Variants in LRRFIP1 observed in about 807,000 individuals in gnomAD.
The protein encoded by LRRFIP1 is leucine-rich repeat flightless-interacting protein 1.
A neutral mutation model predicts 104.4 loss-of-function variants in LRRFIP1; 62 were observed. The observed-to-expected ratio is 0.59, with a 90% CI of 0.48 to 0.73. The LOEUF is 0.73. LRRFIP1 is among the 30% of genes least tolerant of loss of function. The pLI is 0.00. For missense variants in LRRFIP1, 796 were observed against 824.5 expected, an observed-to-expected ratio of 0.97 and a Z score of 0.42; for synonymous variants, 300 against 299.0, an observed-to-expected ratio of 1.00 and a Z score of -0.03.
At chr2:237,740,698 A>G (rs1028321932) in intron 11 of LRRFIP1, among the ~76,000 whole-genome samples, 1 of 152,166 alleles carries the variant, frequency 6.6e-6, no homozygotes, top group African/African-American at 2.4e-5. Context: ...TGATACCTGC[A>G]TTCAGGTATC....
chr2:237,628,987 G>A (rs2081973147), intron 1 of LRRFIP1, among the ~76,000 whole-genome samples: 1 of 152,216 alleles, frequency 6.6e-6, no homozygotes, highest in South Asian at 2.1e-4. Context: ...TCCAGACTCA[G>A]CCCTCTCACA....
intron 1 of LRRFIP1, among the ~76,000 whole-genome samples, chr2:237,664,811 A>G (rs1230319059): frequency 6.6e-6 from 1 of 152,238 alleles, no homozygotes; most frequent in Non-Finnish European, 1.5e-5. Flanking sequence ...GATTGTTGCT[A>G]GAAGGGAAAT....
Position 237,627,823 on chromosome 2 carries a change from T to A in LRRFIP1, c.96+83T>A. 4.5e-6 allele frequency: 4 copies of A among 896,664 alleles called. No individual in the cohort carries two copies. In the South Asian group the frequency reaches 1.9e-4, roughly 43 times the overall value. The allele number at this position is 896,664 out of a possible 1,614,324, so 55.5% of individuals were successfully genotyped here. ...TGTCAGGGTCTCTCCGGCGTCCGTC[T>A]GTCCCGCTGTGCGTCTGTGCCACTG... On this transcript the variant is annotated intron_variant, in intron 1 of 23. Coordinates refer to ENST00000308482, the MANE Select transcript of LRRFIP1 (RefSeq NM_001137550.2).
chr2:237,697,130 T>G lies in LRRFIP1; in HGVS notation c.97-11414T>G, dbSNP rs562203285. 3.9e-5 allele frequency among the ~76,000 whole-genome samples: 6 copies of G among 152,308 alleles called. No homozygotes were observed. The East Asian group carries it at 1.2e-3, about 29-fold the overall frequency. ...TCCGTTTCCCAGGTGCAACCGATTC[T>G]CCTGCCTCAGACCTCTGAAGCAGCT... is the stretch of plus-strand genomic sequence containing the variant. On this transcript the variant is annotated intron_variant, in intron 1 of 23. Coordinates refer to ENST00000308482, the MANE Select transcript of LRRFIP1 (RefSeq NM_001137550.2).
chr2:237,668,020 A>AGGGTC (rs2089737403), intron 1 of LRRFIP1, among the ~76,000 whole-genome samples: 1 of 150,638 alleles, frequency 6.6e-6, no homozygotes, highest in South Asian at 2.1e-4. Flanking sequence ...CTTCTTTTGA[A>AGGGTC]CTCCACCTGA....
At chr2:237,725,969 T>G (rs2094732041) in intron 7 of LRRFIP1, among the ~76,000 whole-genome samples, 2 of 152,246 alleles carry the variant, frequency 1.3e-5, no homozygotes, top group Non-Finnish European at 2.9e-5. Context: ...CATCTAAAAG[T>G]GATTAACATT....
At chr2:237,724,607 A>C (rs1195006873) in intron 7 of LRRFIP1, among the ~76,000 whole-genome samples, 1 of 152,198 alleles carries the variant, frequency 6.6e-6, no homozygotes, top group Non-Finnish European at 1.5e-5. Flanking sequence ...AGAGCACTGC[A>C]AGTCGCTCTG....
chr2:237,730,867 A>G (rs2094969153), intron 8 of LRRFIP1, among the ~76,000 whole-genome samples: 1 of 152,192 alleles, frequency 6.6e-6, no homozygotes, highest in African/African-American at 2.4e-5. Context: ...GCAGTGAGCC[A>G]AGATTGCACC....
At position 237,717,957 on chromosome 2, in the gene LRRFIP1, C is replaced by T; in HGVS notation, c.249+148C>T. Reference sequence around the variant, plus strand: ...CCATAATTTAATACTGAGAGATTTTCTTCCGGGGATTTCTGCATCTGGTCT... The same window carrying T: ...CCATAATTTAATACTGAGAGATTTTTTTCCGGGGATTTCTGCATCTGGTCT... On this transcript the variant is annotated intron_variant, in intron 4 of 23. Coordinates refer to ENST00000308482, the MANE Select transcript of LRRFIP1 (RefSeq NM_001137550.2). The surrounding 1 kb of genome is among the most constrained non-coding windows in gnomAD (Gnocchi z 4.2). 1 of 749,514 alleles carries T rather than the reference C, an allele frequency of 1.3e-6. No individual in the cohort carries two copies. The highest frequency in any genetic ancestry group is 2.4e-6 in the Non-Finnish European group (1 of 420,070). 46.4% of individuals were successfully genotyped at this position (749,514 alleles called of 1,614,324 possible).
At position 237,753,438 on chromosome 2, in the gene LRRFIP1, C is replaced by T; in HGVS notation, c.997C>T (p.Gln333Ter). The stretch of plus-strand genomic sequence containing the variant: ...AGATATGTTGCTGGAGCTTGAAGAA[C>T]AGCTGGCTGAATCTAGGCGGCAGTA... ...LKDMLLELEEQLAESRRQYEE... is the reference protein window; with the variant it reads ...LKDMLLELEE Residue 333 changes from glutamine to a stop codon, truncating the protein, a stop_gained, in exon 15 of 24, where the codon CAG (glutamine) becomes TAG (stop). Coordinates refer to ENST00000308482, the MANE Select transcript of LRRFIP1 (RefSeq NM_001137550.2). LOFTEE classifies it high-confidence loss of function. 6.3e-7 allele frequency: 1 copy of T among 1,597,972 alleles called. No individual in the cohort carries two copies. Among genetic ancestry groups the T allele is most frequent in the Non-Finnish European group, 8.5e-7 (1 of 1,176,368 alleles).
chr2:237,769,708 G>A, intron 19 of LRRFIP1: 2 of 504,154 alleles, frequency 4.0e-6, no homozygotes, highest in Non-Finnish European at 7.2e-6. Flanking sequence ...CAGCCTGTTT[G>A]CATGCAGCCG....
Position 237,650,000 on chromosome 2 carries a change from G to T in LRRFIP1, c.96+22260G>T, listed in dbSNP as rs554311982. Among the ~76,000 whole-genome samples the T allele has an allele frequency of 6.6e-6, 1 of 152,136 alleles. No individual in the cohort carries two copies. Among genetic ancestry groups the T allele is most frequent in the Admixed American group, 6.5e-5 (1 of 15,286 alleles). On this transcript the variant is annotated intron_variant, in intron 1 of 23. Transcript: ENST00000308482. This position sits in a 1 kb window ranked among gnomAD's most constrained non-coding sequence, Gnocchi z 4.1. ...CATTCCCTGTGCTGGGGACTTCCCCGGGCACTGGGGACACTGTAGTGCACA... is the reference window on the plus strand; with the variant it reads ...CATTCCCTGTGCTGGGGACTTCCCCTGGCACTGGGGACACTGTAGTGCACA...
intron 2 of LRRFIP1, among the ~76,000 whole-genome samples, chr2:237,710,758 G>T (rs555954170): frequency 3.4e-4 from 52 of 152,172 alleles, no homozygotes; most frequent in African/African-American, 7.7e-4. Context: ...GATTTGAATG[G>T]CCCCCTTTAA....
In LRRFIP1 at chr2:237,703,967, A is replaced by G. The variant is rs2093673158; in HGVS notation, c.97-4577A>G. Among the ~76,000 whole-genome samples, 1 of 151,826 alleles carries G rather than the reference A, an allele frequency of 6.6e-6. No individual in the cohort carries two copies. The highest frequency in any genetic ancestry group is 1.5e-5 in the Non-Finnish European group (1 of 67,950). ...AGATTTTATATTTTACAAAAGTGTC[A>G]GTCGATAAAGGATTTGTCCTGCGCC... On this transcript the variant is annotated intron_variant, in intron 1 of 23. Transcript: ENST00000308482. This position sits in a 1 kb window ranked among gnomAD's most constrained non-coding sequence, Gnocchi z 4.3.
chr2:237,689,662 T>C (rs1245124303), intron 1 of LRRFIP1, among the ~76,000 whole-genome samples: 1 of 152,192 alleles, frequency 6.6e-6, no homozygotes, highest in Non-Finnish European at 1.5e-5. Context: ...ACAGTCTTGC[T>C]GCCTGGCCCA....
intron 23 of LRRFIP1, 110 bp downstream of exon 23, chr2:237,774,572 G>C: frequency 2.7e-6 from 2 of 731,656 alleles, no homozygotes; most frequent in South Asian, 3.5e-5. Context: ...GCTGGTCATT[G>C]TCAGATCATC....
intron 23 of LRRFIP1, among the ~76,000 whole-genome samples, chr2:237,778,949 C>T (rs1163321513): frequency 6.9e-6 from 1 of 145,790 alleles, no homozygotes; most frequent in Non-Finnish European, 1.5e-5. Context: ...AGAGGCCGAG[C>T]GTGGTGGCTC....
intron 1 of LRRFIP1, among the ~76,000 whole-genome samples, chr2:237,697,929 A>G (rs1320968130): frequency 6.6e-6 from 1 of 152,214 alleles, no homozygotes; most frequent in Non-Finnish European, 1.5e-5. Context: ...GAAAAGCAAG[A>G]AATGTATTAA....
intron 2 of LRRFIP1, among the ~76,000 whole-genome samples, chr2:237,713,298 A>G (rs1213703614): frequency 6.6e-6 from 1 of 151,892 alleles, no homozygotes; most frequent in Admixed American, 6.6e-5. Flanking sequence ...ACTACAGCTT[A>G]CTCTAGCTGC....
Sources: allele counts gnomAD v4.1 joint callset (sites outside exome capture counted in the v4.1 genomes callset), GRCh38; gene constraint gnomAD v4.1.1; non-coding constraint Gnocchi (gnomAD v3.1); transcripts MANE v1.5; gene names NCBI Gene and HGNC (gene_info 2026-07-23, HGNC 2026-07-21).